Variants in FCRL2 observed in about 807,000 individuals in gnomAD.
The protein encoded by FCRL2 is Fc receptor-like protein 2.
A neutral mutation model predicts 59.8 loss-of-function variants in FCRL2; 48 were observed. The observed-to-expected ratio is 0.80, with a 90% CI of 0.64 to 1.02. FCRL2 has a LOEUF of 1.02. Ranked by LOEUF, FCRL2 falls within the 50% of genes least tolerant of loss-of-function variation. The pLI, the probability that FCRL2 is intolerant of heterozygous loss-of-function variation, is 0.00. For synonymous variants in FCRL2, 251 were observed against 229.5 expected, an observed-to-expected ratio of 1.09 and a Z score of -0.85; for missense variants, 658 against 597.3, an observed-to-expected ratio of 1.10 and a Z score of -1.06.
chr1:157,756,845 C>A (rs1424356366), intron 7 of FCRL2, among the ~76,000 whole-genome samples: 1 of 152,134 alleles, frequency 6.6e-6, no homozygotes, highest in Non-Finnish European at 1.5e-5. Context: ...TGAGGCAATA[C>A]ATATATTAAT....
chr1:157,755,595 CAACTT>C (rs1336401138), intron 7 of FCRL2, among the ~76,000 whole-genome samples: 1 of 152,082 alleles, frequency 6.6e-6, no homozygotes, highest in Non-Finnish European at 1.5e-5. Flanking sequence ...TCATGGAAAA[CAACTT>C]GAGATCATCT....
intron 2 of FCRL2, among the ~76,000 whole-genome samples, chr1:157,772,337 G>A (rs111359751): frequency 2.0e-4 from 31 of 152,274 alleles, no homozygotes; most frequent in African/African-American, 2.4e-4. Context: ...TGAGTTGGTC[G>A]TTAGGAATTA....
intron 7 of FCRL2, among the ~76,000 whole-genome samples, chr1:157,760,741 A>AAG (rs1194238610): frequency 6.9e-6 from 1 of 145,950 alleles, no homozygotes; most frequent in African/African-American, 2.6e-5. Flanking sequence ...GAAAGAAAGA[A>AAG]AGAAAGAAAG....
intron 7 of FCRL2, among the ~76,000 whole-genome samples, chr1:157,763,802 G>A (rs565379542): frequency 2.0e-5 from 3 of 152,160 alleles, no homozygotes; most frequent in African/African-American, 4.8e-5. Context: ...AGGCCAAGGC[G>A]GGCAGATCAG....
chr1:157,751,549 A>T (rs10489682), intron 7 of FCRL2, among the ~76,000 whole-genome samples: 2,701 of 152,300 alleles, frequency 0.018, 70 homozygotes, highest in African/African-American at 0.061. Context: ...CAGGGGAGAT[A>T]CGGTCATCTG....
In FCRL2 at chr1:157,776,890, C is replaced by T. The variant is rs116569212; in HGVS notation, c.31+153G>A. On this transcript the variant is annotated intron_variant, in intron 1 of 11. Transcript: ENST00000361516. ...GTGCTGCAAATTCACTGTCCTCAGC[C>T]TACTTCTTTGCATCTGCCTTTGAAG... is the stretch of plus-strand genomic sequence containing the variant. Among the ~76,000 whole-genome samples, 1,433 of 152,270 alleles carry T rather than the reference C, an allele frequency of 9.4e-3. 14 individuals are homozygous for T. The highest frequency in any genetic ancestry group is 0.015 in the Non-Finnish European group (1,037 of 68,024).
intron 10 of FCRL2, among the ~76,000 whole-genome samples, chr1:157,747,115 C>T (rs567741616): frequency 6.6e-6 from 1 of 152,340 alleles, no homozygotes; most frequent in East Asian, 1.9e-4. Flanking sequence ...TAACAAAGCG[C>T]TTCCTTTCTC....
rs947173563 is a variant in FCRL2, at chr1:157,770,095, A to AC, written c.365dup (p.Pro123SerfsTer7). Reference sequence around the variant, plus strand: ...GGGTCTCACATTTCAGGCTCACTGGACCCCCTTCGATGGGCTGGAAGGAGC... The same window carrying AC: ...GGGTCTCACATTTCAGGCTCACTGGACCCCCCTTCGATGGGCTGGAAGGAGC... On this transcript the variant is annotated frameshift_variant, in exon 4 of 12. Coordinates refer to ENST00000361516, the MANE Select transcript of FCRL2 (RefSeq NM_030764.4). LOFTEE classifies it high-confidence loss of function. 6.2e-7 allele frequency: 1 copy of AC among 1,613,756 alleles called. No individual in the cohort carries two copies.
intron 7 of FCRL2, among the ~76,000 whole-genome samples, chr1:157,765,793 G>A (rs1649446304): frequency 6.6e-6 from 1 of 152,208 alleles, no homozygotes. Flanking sequence ...ACCTAGGCAA[G>A]TTTGAAGCAC....
intron 9 of FCRL2, 29 bp downstream of exon 9, chr1:157,748,846 T>A (rs1187431894): frequency 6.2e-7 from 1 of 1,603,660 alleles, no homozygotes; most frequent in Non-Finnish European, 8.5e-7. Context: ...TGACTCAGCC[T>A]CAGAGCCCTT....
intron 2 of FCRL2, among the ~76,000 whole-genome samples, chr1:157,771,011 C>A (rs1649980897): frequency 6.6e-6 from 1 of 152,154 alleles, no homozygotes; most frequent in South Asian, 2.1e-4. Flanking sequence ...TCTACCGTCA[C>A]ATGATGGAAA....
intron 7 of FCRL2, among the ~76,000 whole-genome samples, chr1:157,758,680 C>CAAAAAAAAA (rs59716565): frequency 1.1e-4 from 6 of 55,398 alleles, no homozygotes; most frequent in Admixed American, 2.3e-4. Flanking sequence ...CAGTCCCAAG[C>CAAAAAAAAA]AAAAAAAAAA....
intron 7 of FCRL2, among the ~76,000 whole-genome samples, chr1:157,757,897 G>A (rs12089362): frequency 1.3e-5 from 2 of 152,336 alleles, no homozygotes; most frequent in South Asian, 4.1e-4. Flanking sequence ...AGGAGGCAGA[G>A]CTTGCAGTGA....
chr1:157,770,431 A>G lies in FCRL2; in HGVS notation c.288T>C (p.Asn96=). 1 of 1,613,742 alleles carries G rather than the reference A, an allele frequency of 6.2e-7. No homozygotes were observed. Among genetic ancestry groups the G allele is most frequent in the Non-Finnish European group, 8.5e-7 (1 of 1,179,904 alleles). ...GQLFLWDKTS[N]IVKIKVQELF... is the part of the protein sequence containing the mutation. ...TACCTTGGACTTTTATCTTTACTAT[A>G]TTTGAAGTTTTATCCCAGAGAAAGA... The change falls in exon 3 of 12, where the codon AAT becomes AAC. Residue 96 remains asparagine (N), a synonymous_variant. Transcript: ENST00000361516.
At chr1:157,775,672 G>T in intron 2 of FCRL2, 103 bp downstream of exon 2, 1 of 1,274,304 alleles carries the variant, frequency 7.8e-7, no homozygotes, top group Non-Finnish European at 1.1e-6. Flanking sequence ...AGTAATATTA[G>T]GACATCTTCA....
intron 7 of FCRL2, 77 bp from the exon 8 acceptor site, chr1:157,749,754 G>A (rs948153739): frequency 1.2e-5 from 13 of 1,105,308 alleles, no homozygotes; most frequent in African/African-American, 3.1e-5. Context: ...ATTTAACTAC[G>A]TATAATCAGC....
intron 7 of FCRL2, among the ~76,000 whole-genome samples, chr1:157,760,698 G>GAAGGAAA (rs1394581093): frequency 3.1e-5 from 3 of 97,206 alleles, no homozygotes; most frequent in East Asian, 2.9e-4. Context: ...AAAGAAAGAA[G>GAAGGAAA]GAAAGAAAGA....
rs200676726 is a variant in FCRL2, at chr1:157,760,678, G to A, written c.1279+6177C>T. On this transcript the variant is annotated intron_variant, in intron 7 of 11. Transcript: ENST00000361516. ...AAGAAGGAAGGAAGGAAGGAAGGAAGGAAAGAAAGAAAGAAAGAAGGAAAG... is the reference window on the plus strand; with the variant it reads ...AAGAAGGAAGGAAGGAAGGAAGGAAAGAAAGAAAGAAAGAAAGAAGGAAAG... Among the ~76,000 whole-genome samples, 606 of 70,268 alleles carry A rather than the reference G, an allele frequency of 8.6e-3. 3 individuals are homozygous for A. The highest frequency in any genetic ancestry group is 0.026 in the African/African-American group (371 of 14,158). The allele number at this position is 70,268 out of a possible 152,430, so 46.1% of individuals were successfully genotyped here. A position where few individuals can be genotyped will look rare whatever the true frequency, so the allele number is the denominator to read the frequency against.
chr1:157,754,595 G>C (rs1648446087), intron 7 of FCRL2, among the ~76,000 whole-genome samples: 5 of 151,894 alleles, frequency 3.3e-5, no homozygotes. Context: ...ACCCTCTCTT[G>C]GGGTCTGGAT....
Sources: allele counts gnomAD v4.1 joint callset (sites outside exome capture counted in the v4.1 genomes callset), GRCh38; gene constraint gnomAD v4.1.1; transcripts MANE v1.5; gene names NCBI Gene and HGNC (gene_info 2026-07-23, HGNC 2026-07-21).